Variants in IQSEC1 observed in about 807,000 individuals in gnomAD.
IQSEC1 encodes the protein IQ motif and SEC7 domain-containing protein 1.
IQSEC1 carries 31 observed loss-of-function variants against 91.0 expected under a neutral mutation model. That is an observed-to-expected ratio of 0.34 (90% CI 0.26 to 0.46). The LOEUF (loss-of-function observed/expected upper bound fraction) is 0.46, where lower values mean the gene tolerates loss of function less well. Among genes scored for constraint, IQSEC1 ranks in the 20% least tolerant of loss-of-function variants. The pLI is 1.00. For synonymous variants in IQSEC1, 699 were observed against 662.6 expected (o/e 1.05, Z -0.84); for missense variants, 1,388 against 1,575.6 (o/e 0.88, Z 2.02).
In IQSEC1 at chr3:13,264,293, C is replaced by T. The variant is rs116857289; in HGVS notation, c.272+18418G>A. Among the ~76,000 whole-genome samples, 196 of 152,324 alleles carry T rather than the reference C, an allele frequency of 1.3e-3. No homozygotes were observed. The East Asian group carries it at 0.025, about 19-fold the overall frequency. On this transcript the variant is annotated intron_variant, in intron 1 of 15. Coordinates refer to the IQSEC1 transcript ENST00000648114. ...TGGTTTTCCAGTCCAGGCCGACTCA[C>T]TAGGCCCTGACCTGCCCATGGAAAC...
intron 1 of IQSEC1, among the ~76,000 whole-genome samples, chr3:13,205,566 T>C (rs1335257873): frequency 1.6e-5 from 2 of 126,472 alleles, no homozygotes; most frequent in African/African-American, 5.9e-5. Flanking sequence ...CTTCCCTCCC[T>C]CTACTGATCC....
At position 12,913,484 on chromosome 3, in the gene IQSEC1, G is replaced by A; in HGVS notation, c.2260C>T (p.Pro754Ser). The A allele has an allele frequency of 6.2e-7, 1 of 1,608,454 alleles. No individual in the cohort carries two copies. The highest frequency in any genetic ancestry group is 1.7e-5 in the Admixed American group (1 of 59,748). ...RLFEVPDPNK[P>S]QKLGLHQREI... ...CGCTGGTGTAGTCCGAGTTTCTGGG[G>A]CTTGTTTGGGTCTGGAACCTCAAAG... The change falls in exon 9 of 14, where the codon CCC becomes TCC. Residue 754 changes from proline to serine, a missense_variant. Pro to Ser is a moderately conservative substitution (Grantham distance 74). Around this residue, in one of 2 missense-constraint regions of IQSEC1, gnomAD observed 1,059 missense variants for 1,317.8 expected, o/e 0.80. Transcript: ENST00000613206.
chr3:13,236,128 T>C (rs1021618192), intron 1 of IQSEC1, among the ~76,000 whole-genome samples: 1 of 151,768 alleles, frequency 6.6e-6, no homozygotes, highest in Non-Finnish European at 1.5e-5. Context: ...TTCCCTTTGT[T>C]CCCGCTGCAC....
At chr3:13,056,109 G>C (rs1449102865) in intron 1 of IQSEC1, among the ~76,000 whole-genome samples, 1 of 152,216 alleles carries the variant, frequency 6.6e-6, no homozygotes, top group African/African-American at 2.4e-5. Flanking sequence ...TGGGATCAAG[G>C]CCTCACCATG....
chr3:13,023,624 C>T (rs1703494963), intron 1 of IQSEC1, among the ~76,000 whole-genome samples: 1 of 152,196 alleles, frequency 6.6e-6, no homozygotes, highest in South Asian at 2.1e-4. Flanking sequence ...GCTCTGTCCC[C>T]AGGCCCCACC....
At chr3:13,240,303 C>T (rs889741312) in intron 1 of IQSEC1, among the ~76,000 whole-genome samples, 7 of 152,102 alleles carry the variant, frequency 4.6e-5, no homozygotes, top group Admixed American at 1.3e-4. Context: ...GAGAGGATCT[C>T]GAGGCTGCAG....
exon 1 of IQSEC1, among the ~76,000 whole-genome samples, chr3:13,283,062 G>GGGACGGCGGCTCGGCGCGGCGC (rs1695828605): frequency 6.9e-6 from 1 of 145,088 alleles, no homozygotes; most frequent in African/African-American, 2.5e-5. Flanking sequence ...CTGCGCGGCG[G>GGGACGGCGGCTCGGCGCGGCGC]GGACGGCGGC....
intron 1 of IQSEC1, among the ~76,000 whole-genome samples, chr3:13,185,151 A>T (rs1339396116): frequency 6.6e-6 from 1 of 152,140 alleles, no homozygotes. Context: ...GGAAACTAGG[A>T]ACAAATCCTG....
intron 1 of IQSEC1, among the ~76,000 whole-genome samples, chr3:13,256,150 G>A (rs1576312555): frequency 6.6e-6 from 1 of 152,306 alleles, no homozygotes; most frequent in East Asian, 1.9e-4. Flanking sequence ...TAATGTATGT[G>A]ATATCATAGG....
chr3:13,102,428 G>A (rs1706081877), intron 2 of IQSEC1, among the ~76,000 whole-genome samples: 1 of 152,100 alleles, frequency 6.6e-6, no homozygotes, highest in Admixed American at 6.5e-5. Flanking sequence ...GTGGGGGGCT[G>A]GATTAGAGGC....
intron 1 of IQSEC1, among the ~76,000 whole-genome samples, chr3:12,986,654 C>G (rs986398566): frequency 1.3e-5 from 2 of 152,204 alleles, no homozygotes; most frequent in Non-Finnish European, 1.5e-5. Context: ...GGGGCACCGC[C>G]TGGGGAAAGG....
chr3:13,055,904 C>T (rs1319229531), intron 1 of IQSEC1, among the ~76,000 whole-genome samples: 2 of 152,150 alleles, frequency 1.3e-5, no homozygotes, highest in African/African-American at 4.8e-5. Context: ...GGAGTGAAGG[C>T]CTGGCTTGCA....
intron 2 of IQSEC1, among the ~76,000 whole-genome samples, chr3:13,154,478 C>CATATATATATATATAT (rs1707055721): frequency 7.1e-5 from 1 of 14,184 alleles, no homozygotes; most frequent in Non-Finnish European, 1.6e-4. Context: ...TATATATATG[C>CATATATATATATATAT]AAAAACTGAT....
chr3:13,151,442 T>C (rs1346567754), intron 2 of IQSEC1, among the ~76,000 whole-genome samples: 1 of 152,220 alleles, frequency 6.6e-6, no homozygotes. Context: ...GGAAAATGGT[T>C]GGTGGATGTC....
intron 1 of IQSEC1, among the ~76,000 whole-genome samples, chr3:13,166,072 G>A (rs138854267): frequency 6.6e-6 from 1 of 152,300 alleles, no homozygotes; most frequent in East Asian, 1.9e-4. Flanking sequence ...AAGGTTTGGG[G>A]CACTCCTACA....
At chr3:13,160,174 T>C (rs894650132) in intron 2 of IQSEC1, among the ~76,000 whole-genome samples, 9 of 152,166 alleles carry the variant, frequency 5.9e-5, no homozygotes, top group African/African-American at 2.2e-4. Flanking sequence ...CAAAAGCACT[T>C]CCCTGCTGCT....
At chr3:13,188,522 C>A (rs114867058) in intron 1 of IQSEC1, among the ~76,000 whole-genome samples, 1 of 152,242 alleles carries the variant, frequency 6.6e-6, no homozygotes, top group African/African-American at 2.4e-5. Context: ...CCTCATTTTA[C>A]AGATGGGGAA....
chr3:13,046,234 C>G (rs1485021825), intron 1 of IQSEC1, among the ~76,000 whole-genome samples: 2 of 152,224 alleles, frequency 1.3e-5, no homozygotes, highest in African/African-American at 4.8e-5. Context: ...TTTCACAAAG[C>G]AAAGGAAGTA....
chr3:13,121,680 G>A (rs140503755), intron 2 of IQSEC1, among the ~76,000 whole-genome samples: 146 of 152,332 alleles, frequency 9.6e-4, no homozygotes, highest in African/African-American at 3.4e-3. Flanking sequence ...CAGAGTGGTA[G>A]CCTGGCCACT....
Sources: allele counts gnomAD v4.1 joint callset (sites outside exome capture counted in the v4.1 genomes callset), GRCh38; gene constraint gnomAD v4.1.1; regional missense constraint gnomAD v4.1.1; transcripts MANE v1.5; gene names NCBI Gene and HGNC (gene_info 2026-07-23, HGNC 2026-07-21).